Variants in RAB3C observed in about 807,000 individuals in gnomAD.
The protein encoded by RAB3C is ras-related protein Rab-3C.
A neutral mutation model predicts 26.4 loss-of-function variants in RAB3C; 17 were observed. That is an observed-to-expected ratio of 0.64 (90% CI 0.44 to 0.97). The LOEUF (loss-of-function observed/expected upper bound fraction) is 0.97. Ranked by LOEUF, RAB3C falls within the 50% of genes least tolerant of loss-of-function variation. The probability of loss-of-function intolerance (pLI) is 0.00; values close to 1 mark genes in which losing one functional copy is unlikely to be tolerated. For missense variants in RAB3C, 242 were observed against 281.9 expected (o/e 0.86, Z 1.01); for synonymous variants, 91 against 95.9 (o/e 0.95, Z 0.30).
chr5:58,852,024 C>T lies in RAB3C; in HGVS notation c.*673C>T, dbSNP rs1579954095. 1 of 152,114 alleles carries T rather than the reference C, an allele frequency of 6.6e-6. No homozygotes were observed. The highest frequency in any genetic ancestry group is 6.6e-5 in the Admixed American group (1 of 15,258). 9.4% of individuals were successfully genotyped at this position (152,114 alleles called of 1,614,324 possible). A position where few individuals can be genotyped will look rare whatever the true frequency, so the allele number is the denominator to read the frequency against. The stretch of plus-strand genomic sequence containing the variant: ...ATATTACCTGACTGGGGCTATTTAA[C>T]AATAATCTTCGTTTACACATTTAAA... On this transcript the variant is annotated 3_prime_UTR_variant, in exon 5 of 5. Transcript: ENST00000282878.
chr5:58,654,082 G>T (rs151246036), intron 2 of RAB3C, among the ~76,000 whole-genome samples: 1 of 152,132 alleles, frequency 6.6e-6, no homozygotes, highest in East Asian at 1.9e-4. Flanking sequence ...TCATCACCTT[G>T]CTGGCCTAAT....
intron 1 of RAB3C, among the ~76,000 whole-genome samples, chr5:58,588,562 T>C (rs573166567): frequency 2.0e-5 from 3 of 152,306 alleles, no homozygotes; most frequent in Non-Finnish European, 2.9e-5. Context: ...GTTTTTATTG[T>C]TTAGTTGCAA....
chr5:58,583,138 G>A lies in RAB3C; in HGVS notation c.-71G>A, dbSNP rs532179403. Reference sequence around the variant, plus strand: ...GCAGAGTGTGGAGCGTGGAGCGCCGGGACTGTGCACGCTTGACCGGAAGCC... The same window carrying A: ...GCAGAGTGTGGAGCGTGGAGCGCCGAGACTGTGCACGCTTGACCGGAAGCC... On this transcript the variant is annotated 5_prime_UTR_variant, in exon 1 of 5. Coordinates refer to ENST00000282878, the MANE Select transcript of RAB3C (RefSeq NM_138453.4). 9.3e-6 allele frequency: 15 copies of A among 1,611,730 alleles called. No homozygotes were observed. In the African/African-American group the frequency reaches 9.3e-5, roughly 10 times the overall value.
intron 3 of RAB3C, among the ~76,000 whole-genome samples, chr5:58,727,409 G>A (rs1740917076): frequency 6.6e-6 from 1 of 151,924 alleles, no homozygotes; most frequent in African/African-American, 2.4e-5. Context: ...CTTCCACTGA[G>A]GAATTCAGAA....
chr5:58,721,598 AC>A (rs1440268114), intron 2 of RAB3C, among the ~76,000 whole-genome samples: 1 of 151,778 alleles, frequency 6.6e-6, no homozygotes, highest in Non-Finnish European at 1.5e-5. Context: ...TCATTAGTAA[AC>A]GTCAATTATA....
intron 3 of RAB3C, among the ~76,000 whole-genome samples, chr5:58,801,797 G>T (rs373512294): frequency 6.6e-6 from 1 of 152,338 alleles, no homozygotes; most frequent in South Asian, 2.1e-4. Flanking sequence ...ACCAGCAAAG[G>T]CTGCTTAGGG....
At position 58,819,311 on chromosome 5, in the gene RAB3C, G is replaced by A. The variant is rs545944894; in HGVS notation, c.372-5727G>A. On this transcript the variant is annotated intron_variant, in intron 3 of 4. Transcript: ENST00000282878. ...AGTATTAGAGCTTTCTCAAACTGGC[G>A]GAATAAATTGTTGAGTCTGAGTTGG... 2.3e-4 allele frequency among the ~76,000 whole-genome samples: 35 copies of A among 152,230 alleles called. No individual in the cohort carries two copies. In the South Asian group the frequency reaches 6.2e-3, roughly 27 times the overall value.
chr5:58,740,953 T>C (rs1481485893), intron 3 of RAB3C, among the ~76,000 whole-genome samples: 1 of 151,894 alleles, frequency 6.6e-6, no homozygotes, highest in Admixed American at 6.6e-5. Flanking sequence ...AATTTGGGAG[T>C]CCTCAGGGCC....
intron 4 of RAB3C, among the ~76,000 whole-genome samples, chr5:58,850,652 A>C (rs295668): frequency 0.58 from 88,421 of 152,010 alleles, 25,966 homozygotes; most frequent in Middle Eastern, 0.71. Context: ...CTGAGCTTTA[A>C]ATTGATTTAA....
In RAB3C at chr5:58,854,270, T is replaced by G. The variant is rs1240809088; in HGVS notation, c.*2919T>G. ...TTTTAAGTATGAATTTATTTTCCTT[T>G]GCTACTCATTACCTGACCACTTTCA... is the stretch of plus-strand genomic sequence containing the variant. On this transcript the variant is annotated 3_prime_UTR_variant, in exon 5 of 5. Coordinates refer to ENST00000282878, the MANE Select transcript of RAB3C (RefSeq NM_138453.4). The G allele has an allele frequency of 6.6e-6, 1 of 152,166 alleles. No individual in the cohort carries two copies. Among genetic ancestry groups the G allele is most frequent in the Non-Finnish European group, 1.5e-5 (1 of 68,036 alleles). The allele number at this position is 152,166 out of a possible 1,614,324, so 9.4% of individuals were successfully genotyped here.
intron 2 of RAB3C, among the ~76,000 whole-genome samples, chr5:58,618,451 G>A (rs1173890972): frequency 2.6e-5 from 4 of 152,158 alleles, no homozygotes; most frequent in Non-Finnish European, 5.9e-5. Flanking sequence ...CAAATGAAAT[G>A]AAATATTTAT....
intron 3 of RAB3C, among the ~76,000 whole-genome samples, chr5:58,761,257 T>G (rs1741792265): frequency 6.6e-6 from 1 of 152,200 alleles, no homozygotes; most frequent in Admixed American, 6.5e-5. Context: ...AATTATTTAT[T>G]TTAGTAAAAT....
At chr5:58,763,992 G>A (rs548713338) in intron 3 of RAB3C, among the ~76,000 whole-genome samples, 112 of 152,124 alleles carry the variant, frequency 7.4e-4, no homozygotes, top group Non-Finnish European at 1.5e-3. Context: ...AGGTTATCAT[G>A]TTCTTCTCAT....
intron 2 of RAB3C, among the ~76,000 whole-genome samples, chr5:58,716,177 T>C (rs147402289): frequency 1.4e-3 from 219 of 152,064 alleles, no homozygotes; most frequent in African/African-American, 5.1e-3. Flanking sequence ...GTTAAACTGC[T>C]GGATATGGTA....
At chr5:58,808,069 CA>C (rs1357594822) in intron 3 of RAB3C, among the ~76,000 whole-genome samples, 1 of 151,422 alleles carries the variant, frequency 6.6e-6, no homozygotes, top group African/African-American at 2.4e-5. Flanking sequence ...ACTAAAAATA[CA>C]AAAAATTAGC....
At chr5:58,620,786 T>G (rs1461544732) in intron 2 of RAB3C, among the ~76,000 whole-genome samples, 1 of 152,150 alleles carries the variant, frequency 6.6e-6, no homozygotes, top group Non-Finnish European at 1.5e-5. Flanking sequence ...ATGTGGTGGT[T>G]ATTTTTTTTG....
chr5:58,758,203 C>T (rs1372143690), intron 3 of RAB3C, among the ~76,000 whole-genome samples: 1 of 152,238 alleles, frequency 6.6e-6, no homozygotes, highest in East Asian at 1.9e-4. Context: ...CTCAGCCTCC[C>T]GAAGTGCTGG....
chr5:58,827,472 T>A (rs2112062523), intron 4 of RAB3C, among the ~76,000 whole-genome samples: 1 of 152,318 alleles, frequency 6.6e-6, no homozygotes, highest in Middle Eastern at 3.4e-3. Context: ...CTCTAATAAA[T>A]TACTTGGATA....
chr5:58,750,416 T>C (rs1359885736), intron 3 of RAB3C, among the ~76,000 whole-genome samples: 2 of 152,250 alleles, frequency 1.3e-5, no homozygotes, highest in African/African-American at 4.8e-5. Context: ...ATGCATGATA[T>C]ATGTGTTGAA....
Sources: gnomAD v4.1 joint callset for allele counts (sites outside exome capture counted in the v4.1 genomes callset) on GRCh38, gnomAD v4.1.1 for gene constraint, MANE v1.5 for transcripts, NCBI Gene and HGNC (gene_info 2026-07-23, HGNC 2026-07-21) for gene names.